MSR1: variants seen among roughly 807,000 people sequenced by gnomAD.
MSR1 encodes macrophage scavenger receptor 1.
MSR1 carries 53 observed loss-of-function variants against 47.2 expected under a neutral mutation model. The ratio of observed to expected loss-of-function variants is 1.12; its 90% CI spans 0.90 to 1.41. The LOEUF is 1.41. MSR1 is among the 40% of genes most tolerant of loss of function. The probability of loss-of-function intolerance (pLI) is 0.00; values close to 1 mark genes in which losing one functional copy is unlikely to be tolerated. For missense variants in MSR1, 786 were observed against 546.9 expected (o/e 1.44, Z -4.36); for synonymous variants, 239 against 185.6 (o/e 1.29, Z -2.34).
At chr8:16,134,626 G>C (rs1800345662) in intron 8 of MSR1, among the ~76,000 whole-genome samples, 1 of 152,080 alleles carries the variant, frequency 6.6e-6, no homozygotes, top group Non-Finnish European at 1.5e-5. Context: ...CGGCCTCTAA[G>C]TGTTCCATTG....
chr8:16,114,231 AT>A (rs11450060), intron 9 of MSR1, among the ~76,000 whole-genome samples: 11 of 149,888 alleles, frequency 7.3e-5, no homozygotes, highest in East Asian at 5.9e-4. Context: ...TTACCCTTAC[AT>A]TTTTTTTTTG....
chr8:16,180,334 T>A (rs568707667), intron 1 of MSR1, among the ~76,000 whole-genome samples: 1 of 152,158 alleles, frequency 6.6e-6, no homozygotes, highest in African/African-American at 2.4e-5. Flanking sequence ...ATCAGAAACA[T>A]TGGAAAGGTT....
At chr8:16,151,216 T>G (rs1377936652) in intron 6 of MSR1, among the ~76,000 whole-genome samples, 1 of 152,036 alleles carries the variant, frequency 6.6e-6, no homozygotes, top group Non-Finnish European at 1.5e-5. Flanking sequence ...CTTGGGGCCA[T>G]AAGAGCATCA....
At chr8:16,180,867 C>T (rs538599803) in intron 1 of MSR1, among the ~76,000 whole-genome samples, 1 of 152,038 alleles carries the variant, frequency 6.6e-6, no homozygotes, top group Non-Finnish European at 1.5e-5. Flanking sequence ...GTTGATCTGA[C>T]CAAGGACTCT....
At chr8:16,171,796 C>T (rs1040710286) in intron 3 of MSR1, among the ~76,000 whole-genome samples, 4 of 152,124 alleles carry the variant, frequency 2.6e-5, no homozygotes, top group Non-Finnish European at 4.4e-5. Flanking sequence ...TAGAATAGAA[C>T]TGCCTGGGTT....
chr8:16,167,544 C>T (rs1801349146), intron 4 of MSR1, among the ~76,000 whole-genome samples: 1 of 151,590 alleles, frequency 6.6e-6, no homozygotes, highest in Non-Finnish European at 1.5e-5. Context: ...GACTCCATCT[C>T]AAAAACAAAC....
At chr8:16,184,983 T>G (rs903062849) in intron 1 of MSR1, among the ~76,000 whole-genome samples, 1 of 151,956 alleles carries the variant, frequency 6.6e-6, no homozygotes, top group Non-Finnish European at 1.5e-5. Context: ...CTGACAGGTG[T>G]AGTGGGCCAG....
intron 9 of MSR1, among the ~76,000 whole-genome samples, chr8:16,113,606 A>G (rs555879480): frequency 4.6e-5 from 7 of 152,304 alleles, no homozygotes; most frequent in African/African-American, 1.4e-4. Context: ...AAAGTAGAGA[A>G]GAATGGGTCA....
chr8:16,118,065 G>A (rs1871574), intron 9 of MSR1, among the ~76,000 whole-genome samples: 6,934 of 152,104 alleles, frequency 0.046, 538 homozygotes, highest in African/African-American at 0.16. Flanking sequence ...TCAGATCTCT[G>A]CATAATATAA....
chr8:16,169,960 A>G (rs564596457), intron 3 of MSR1, among the ~76,000 whole-genome samples: 2 of 152,300 alleles, frequency 1.3e-5, no homozygotes, highest in African/African-American at 4.8e-5. Context: ...CCAAATGGGC[A>G]TATGTTCTCT....
At chr8:16,158,374 T>C (rs560031561) in intron 5 of MSR1, among the ~76,000 whole-genome samples, 112 of 152,112 alleles carry the variant, frequency 7.4e-4, no homozygotes, top group African/African-American at 2.5e-3. Context: ...TATATAATAT[T>C]TGATAATCAT....
intron 7 of MSR1, among the ~76,000 whole-genome samples, chr8:16,149,032 G>A (rs1323655420): frequency 1.3e-5 from 2 of 152,122 alleles, no homozygotes; most frequent in Admixed American, 1.3e-4. Context: ...TTGTGGTGGG[G>A]AGGAATAGAG....
At chr8:16,156,946 T>C (rs1300030506) in intron 5 of MSR1, among the ~76,000 whole-genome samples, 1 of 151,958 alleles carries the variant, frequency 6.6e-6, no homozygotes, top group Non-Finnish European at 1.5e-5. Flanking sequence ...TGAACGCAGC[T>C]GCATCCATTC....
At chr8:16,176,437 G>A (rs1801649069) in intron 2 of MSR1, among the ~76,000 whole-genome samples, 1 of 151,140 alleles carries the variant, frequency 6.6e-6, no homozygotes, top group Non-Finnish European at 1.5e-5. Context: ...AGCCCAAGAG[G>A]TTGAGGCTGC....
chr8:16,170,425 T>G (rs895552239), intron 3 of MSR1, among the ~76,000 whole-genome samples: 3 of 152,168 alleles, frequency 2.0e-5, no homozygotes, highest in African/African-American at 7.2e-5. Flanking sequence ...TATTCAGTCA[T>G]GGCTGAGGTT....
chr8:16,112,540 T>A (rs1799780917), intron 9 of MSR1, among the ~76,000 whole-genome samples: 1 of 152,114 alleles, frequency 6.6e-6, no homozygotes, highest in Non-Finnish European at 1.5e-5. Context: ...AGGGGAAAAA[T>A]TTATTTAATA....
At chr8:16,119,100 A>G (rs1799940572) in intron 9 of MSR1, among the ~76,000 whole-genome samples, 1 of 152,160 alleles carries the variant, frequency 6.6e-6, no homozygotes, top group African/African-American at 2.4e-5. Flanking sequence ...GAAACTGGCT[A>G]CAGAAGTTCT....
Position 16,150,291 on chromosome 8 carries a change from C to A in MSR1, c.919G>T (p.Asp307Tyr), listed in dbSNP as rs142534680. 2.8e-4 allele frequency: 440 copies of A among 1,572,836 alleles called. 1 individual carries two copies. Among genetic ancestry groups the A allele is most frequent in the Non-Finnish European group, 3.3e-4 (387 of 1,156,876 alleles). ...GPIGPPGLKG[D>Y]RGAIGFPGSR... Reference sequence around the variant, plus strand: ...CCAGGAAAGCCAATTGCTCCCCGATCACCTTTAAGACCCGGAGGACCTACA... The same window carrying A: ...CCAGGAAAGCCAATTGCTCCCCGATAACCTTTAAGACCCGGAGGACCTACA... Residue 307 changes from aspartate (D) to tyrosine (Y), a missense_variant, in exon 7 of 10, where the codon GAT becomes TAT. Physicochemically the swap from Asp to Tyr is radical, Grantham distance 160. Transcript: ENST00000262101.
At chr8:16,119,395 T>A (rs1212207283) in intron 9 of MSR1, among the ~76,000 whole-genome samples, 1 of 151,974 alleles carries the variant, frequency 6.6e-6, no homozygotes, top group African/African-American at 2.4e-5. Flanking sequence ...CTGGCTAATT[T>A]TTGTATTTTT....
Sources: allele counts gnomAD v4.1 joint callset (sites outside exome capture counted in the v4.1 genomes callset), GRCh38; gene constraint gnomAD v4.1.1; transcripts MANE v1.5; gene names NCBI Gene and HGNC (gene_info 2026-07-23, HGNC 2026-07-21).